TUBA1B: variants seen among roughly 807,000 people sequenced by gnomAD.
TUBA1B encodes the protein tubulin alpha-1B chain.
Under a neutral mutation model 34.4 loss-of-function variants are expected in TUBA1B, and 1 was observed. That is an observed-to-expected ratio of 0.03 (90% confidence interval 0.01 to 0.14). The LOEUF (loss-of-function observed/expected upper bound fraction) is 0.14. Ranked by LOEUF, TUBA1B falls within the 10% of genes least tolerant of loss-of-function variation. The probability of loss-of-function intolerance (pLI) is 1.00; values close to 1 mark genes in which losing one functional copy is unlikely to be tolerated. For synonymous variants in TUBA1B, 197 were observed against 212.5 expected (o/e 0.93, Z 0.64); for missense variants, 54 against 583.6 (o/e 0.09, Z 9.35).
At chr12:49,130,549 A>C in intron 1 of TUBA1B, 1 of 355,956 alleles carries the variant, frequency 2.8e-6, no homozygotes, top group Non-Finnish European at 5.6e-6. Context: ...CTGGGTCAAG[A>C]TCCGATTTCC....
intron 1 of TUBA1B, chr12:49,130,879 TC>T (rs1941797296): frequency 5.8e-6 from 1 of 172,750 alleles, no homozygotes; most frequent in Non-Finnish European, 1.3e-5. Flanking sequence ...TCCAGCTGCT[TC>T]CCACCCCCGC....
intron 3 of TUBA1B, 21 bp downstream of exon 3, chr12:49,129,221 A>C: frequency 1.2e-6 from 2 of 1,613,270 alleles, no homozygotes; most frequent in Non-Finnish European, 1.7e-6. Context: ...CATTAAATGC[A>C]TATTTATATG....
chr12:49,129,170 GTCAGTCAC>G (rs1941773713), intron 3 of TUBA1B, 64 bp downstream of exon 3: 1 of 1,610,550 alleles, frequency 6.2e-7, no homozygotes, highest in African/African-American at 1.3e-5. Flanking sequence ...AATGAATGAT[GTCAGTCAC>G]TCCACCCAAC....
At chr12:49,131,064 T>A (rs948231828) in intron 1 of TUBA1B, 2 of 507,068 alleles carry the variant, frequency 3.9e-6, no homozygotes, top group Admixed American at 6.4e-5. Flanking sequence ...GAGCCCCCCA[T>A]CCCTTCCAGA....
rs113292209 is a variant in TUBA1B, at chr12:49,129,954, A to ATT, written c.4-234_4-233dup. On this transcript the variant is annotated intron_variant, in intron 1 of 3. Transcript: ENST00000336023. Reference sequence around the variant, plus strand: ...GACCACCAAGCTGGCTAATTTTTTCATTTTTTTTGTGGAGATGAGGTCTGG... The same window carrying ATT: ...GACCACCAAGCTGGCTAATTTTTTCATTTTTTTTTTGTGGAGATGAGGTCTGG... 7.2e-3 allele frequency: 7,416 copies of ATT among 1,032,488 alleles called. 335 individuals are homozygous for ATT. The African/African-American group carries it at 0.11, about 15-fold the overall frequency. 64.0% of individuals were successfully genotyped at this position (1,032,488 alleles called of 1,614,324 possible). A position where few individuals can be genotyped will look rare whatever the true frequency, so the allele number is the denominator to read the frequency against.
chr12:49,130,068 A>G, intron 1 of TUBA1B: 3 of 1,177,500 alleles, frequency 2.5e-6, no homozygotes, highest in East Asian at 4.7e-5. Context: ...AAGATGTACT[A>G]CTTTTGAGAA....
Position 49,129,230 on chromosome 12 carries a change from T to A in TUBA1B, c.375+12A>T. The A allele has an allele frequency of 6.2e-7, 1 of 1,613,626 alleles. No individual in the cohort carries two copies. The highest frequency in any genetic ancestry group is 8.5e-7 in the Non-Finnish European group (1 of 1,180,026). ...ACACCACATTAAATGCATATTTATA[T>A]GTGGTGCTTACCAGCTTGCGAATTC... On this transcript the variant is annotated intron_variant, in intron 3 of 3. Coordinates refer to ENST00000336023, the MANE Select transcript of TUBA1B (RefSeq NM_006082.3).
chr12:49,130,407 A>G (rs1263720320), intron 1 of TUBA1B: 19 of 1,268,690 alleles, frequency 1.5e-5, no homozygotes, highest in African/African-American at 3.1e-5. Context: ...GCGGTGCTGC[A>G]GAGGCACGAA....
At chr12:49,129,420 T>G (rs745435765) in intron 2 of TUBA1B, 30 bp from the exon 3 acceptor site, 30 of 1,613,278 alleles carry the variant, frequency 1.9e-5, no homozygotes, top group Middle Eastern at 1.6e-4. Context: ...ACGGAGGGAG[T>G]GAGTGAGTGA....
intron 1 of TUBA1B, chr12:49,129,973 G>C: frequency 1.0e-6 from 1 of 997,214 alleles, no homozygotes; most frequent in Non-Finnish European, 1.4e-6. Flanking sequence ...GTGGAGATGA[G>C]GTCTGGCTGT....
chr12:49,128,387 A>G lies in TUBA1B; in HGVS notation c.927T>C (p.His309=), dbSNP rs1941767832. 3.7e-6 allele frequency: 6 copies of G among 1,613,654 alleles called. No homozygotes were observed. Among genetic ancestry groups the G allele is most frequent in the Non-Finnish European group, 5.1e-6 (6 of 1,179,952 alleles). The change falls in exon 4 of 4, where the codon CAT becomes CAC. Residue 309 remains histidine (H), a synonymous_variant. Transcript: ENST00000336023. The surrounding 1 kb of genome is among the most constrained non-coding windows in gnomAD (Gnocchi z 8.1). ...ACAGGCAGCAAGCCATGTATTTACC[A>G]TGGCGAGGGTCACATTTCACCATCT... ...ANQMVKCDPR[H]GKYMACCLLY... is the part of the protein sequence containing the mutation.
In TUBA1B at chr12:49,130,063, G is replaced by A. The variant is rs1941784166; in HGVS notation, c.4-341C>T. On this transcript the variant is annotated intron_variant, in intron 1 of 3. Transcript: ENST00000336023. ...TTTTCTAAAGATCCTTTTCTAAGATGTACTACTTTTGAGAACAGCTACACT... is the reference window on the plus strand; with the variant it reads ...TTTTCTAAAGATCCTTTTCTAAGATATACTACTTTTGAGAACAGCTACACT... 2.6e-6 allele frequency: 3 copies of A among 1,175,852 alleles called. No individual in the cohort carries two copies. In the African/African-American group the frequency reaches 4.7e-5, roughly 19 times the overall value. 72.8% of individuals were successfully genotyped at this position (1,175,852 alleles called of 1,614,324 possible). A position where few individuals can be genotyped will look rare whatever the true frequency, so the allele number is the denominator to read the frequency against.
chr12:49,130,082 C>T lies in TUBA1B; in HGVS notation c.4-360G>A, dbSNP rs992745440. 4.2e-6 allele frequency: 5 copies of T among 1,200,254 alleles called. No individual in the cohort carries two copies. In the African/African-American group the frequency reaches 7.9e-5, roughly 19 times the overall value. The allele number at this position is 1,200,254 out of a possible 1,614,324, so 74.4% of individuals were successfully genotyped here. A position where few individuals can be genotyped will look rare whatever the true frequency, so the allele number is the denominator to read the frequency against. On this transcript the variant is annotated intron_variant, in intron 1 of 3. Transcript: ENST00000336023. ...TAAGATGTACTACTTTTGAGAACAG[C>T]TACACTATAGTCTACGTTGCTTTTA... is the stretch of plus-strand genomic sequence containing the variant.
At chr12:49,129,754 A>G in intron 1 of TUBA1B, 32 bp from the exon 2 acceptor site, 1 of 1,613,654 alleles carries the variant, frequency 6.2e-7, no homozygotes, top group Non-Finnish European at 8.5e-7. Context: ...TCACAATTTA[A>G]ACCAATCTAT....
intron 1 of TUBA1B, chr12:49,131,016 C>A: frequency 4.8e-6 from 2 of 418,732 alleles, no homozygotes; most frequent in Non-Finnish European, 9.0e-6. Flanking sequence ...CACAGTTACG[C>A]GACAAAAGAG....
At chr12:49,130,368 A>T in intron 1 of TUBA1B, 1 of 1,288,868 alleles carries the variant, frequency 7.8e-7, no homozygotes, top group Non-Finnish European at 1.0e-6. Context: ...TGAATGAGCA[A>T]TTCCGGGCGC....
chr12:49,129,846 G>A, intron 1 of TUBA1B, 124 bp from the exon 2 acceptor site: 1 of 1,469,984 alleles, frequency 6.8e-7, no homozygotes, highest in Non-Finnish European at 9.1e-7. Context: ...CTTGAGTGCA[G>A]TGATGCCATC....
At position 49,129,613 on chromosome 12, in the gene TUBA1B, C is replaced by T; in HGVS notation, c.113G>A (p.Ser38Asn). 3.1e-6 allele frequency: 5 copies of T among 1,614,266 alleles called. No homozygotes were observed. Among genetic ancestry groups the T allele is most frequent in the Non-Finnish European group, 4.2e-6 (5 of 1,180,058 alleles). Residue 38 changes from serine to asparagine, a missense_variant, in exon 2 of 4, where the codon AGT becomes AAT. This residue lies in a region of TUBA1B where 28 missense variants were observed against 203.8 expected (regional missense o/e 0.14). Coordinates refer to ENST00000336023, the MANE Select transcript of TUBA1B (RefSeq NM_006082.3). ...ATCTCCTCCCCCAATGGTCTTGTCA[C>T]TTGGCATCTGGCCATCGGGCTGGAT... is the stretch of plus-strand genomic sequence containing the variant. ...HGIQPDGQMPSDKTIGGGDDS... is the reference protein window; with the variant it reads ...HGIQPDGQMPNDKTIGGGDDS...
intron 3 of TUBA1B, 108 bp downstream of exon 3, chr12:49,129,134 A>T (rs572504461): frequency 1.3e-6 from 2 of 1,596,272 alleles, no homozygotes; most frequent in African/African-American, 2.7e-5. Context: ...CAAGCAGCCT[A>T]TTCCACATTT....
Sources: allele counts gnomAD v4.1 joint callset, GRCh38; gene constraint gnomAD v4.1.1; regional missense constraint gnomAD v4.1.1; non-coding constraint Gnocchi (gnomAD v3.1); transcripts MANE v1.5; gene names NCBI Gene and HGNC (gene_info 2026-07-23, HGNC 2026-07-21).